APC2: variants seen among roughly 807,000 people sequenced by gnomAD.
APC2 encodes APC regulator of Wnt signaling pathway 2.
APC2 carries 41 observed loss-of-function variants against 72.5 expected under a neutral mutation model. That is an observed-to-expected ratio of 0.57 (90% CI 0.44 to 0.73). The LOEUF is 0.73. APC2 is among the 30% of genes least tolerant of loss of function. The probability of loss-of-function intolerance (pLI) is 0.00; values close to 1 mark genes in which losing one functional copy is unlikely to be tolerated. For synonymous variants in APC2, 1,898 were observed against 1,612.0 expected (o/e 1.18, Z -4.25); for missense variants, 3,729 against 3,403.4 (o/e 1.10, Z -2.38).
In APC2 at chr19:1,469,286, A is replaced by G. The variant is rs2145258733; in HGVS notation, c.5985A>G (p.Leu1995=). The G allele has an allele frequency of 1.4e-6, 2 of 1,421,804 alleles. No homozygotes were observed. The highest frequency in any genetic ancestry group is 3.4e-5 in the East Asian group (1 of 29,320). 88.1% of individuals were successfully genotyped at this position (1,421,804 alleles called of 1,614,324 possible). ...ACCGCTCGGGCTTCCGGCGACAGCT[A>G]ACCTTCATCAAGGAGTCGCCGGGCT... is the stretch of plus-strand genomic sequence containing the variant. The part of the protein sequence containing the change: ...SSDRSGFRRQ[L]TFIKESPGLR... The change falls in exon 15 of 15, where the codon CTA becomes CTG. Residue 1995 remains leucine, a synonymous_variant. Coordinates refer to ENST00000590469, the MANE Select transcript of APC2 (RefSeq NM_005883.3).
intron 14 of APC2, among the ~76,000 whole-genome samples, chr19:1,464,632 C>CTTTTT (rs1010096440): frequency 1.6e-5 from 2 of 123,712 alleles, no homozygotes; most frequent in African/African-American, 6.7e-5. Context: ...CTGTTTTTTC[C>CTTTTT]TTTTTTTTTT....
At position 1,466,242 on chromosome 19, in the gene APC2, C is replaced by A; in HGVS notation, c.2941C>A (p.Arg981Ser). The stretch of plus-strand genomic sequence containing the variant: ...CGGCTGCCAGGCCGAGCCCCCGGCC[C>A]GCGAGGCCACCTCCGCCGACGCCCG... Reference protein sequence around the residue: ...LPGCQAEPPAREATSADARVR... With the variant: ...LPGCQAEPPASEATSADARVR... The change falls in exon 15 of 15, where the codon CGC becomes AGC. Residue 981 changes from arginine to serine, a missense_variant. Coordinates refer to ENST00000590469, the MANE Select transcript of APC2 (RefSeq NM_005883.3). The A allele has an allele frequency of 1.3e-6, 2 of 1,535,702 alleles. No homozygotes were observed. The highest frequency in any genetic ancestry group is 2.4e-5 in the East Asian group (1 of 41,506).
Position 1,468,898 on chromosome 19 carries a change from C to A in APC2, c.5597C>A (p.Ala1866Asp). Residue 1866 changes from alanine (A) to aspartate (D), a missense_variant, in exon 15 of 15, where the codon GCC becomes GAC. Coordinates refer to ENST00000590469, the MANE Select transcript of APC2 (RefSeq NM_005883.3). ...SQPPRSATPP[A>D]RLAKTPSSSS... ...CCCCCCAGAAGCGCCACACCGCCCG[C>A]CCGCCTCGCCAAGACCCCCTCCTCC... 6.6e-7 allele frequency: 1 copy of A among 1,522,390 alleles called. No individual in the cohort carries two copies. Among genetic ancestry groups the A allele is most frequent in the Non-Finnish European group, 8.8e-7 (1 of 1,141,984 alleles). The allele number at this position is 1,522,390 out of a possible 1,614,324, so 94.3% of individuals were successfully genotyped here. A position where few individuals can be genotyped will look rare whatever the true frequency, so the allele number is the denominator to read the frequency against.
chr19:1,448,805 C>G (rs1337835309), upstream of APC2, among the ~76,000 whole-genome samples: 1 of 148,884 alleles, frequency 6.7e-6, no homozygotes, highest in Non-Finnish European at 1.5e-5. Context: ...GAACGTGCCA[C>G]TGCACTCCAG....
At chr19:1,450,803 G>T (rs1447983534) in intron 1 of APC2, among the ~76,000 whole-genome samples, 6 of 151,944 alleles carry the variant, frequency 3.9e-5, no homozygotes, top group African/African-American at 1.5e-4. Flanking sequence ...GCCCCCAGGA[G>T]GCTACACGAT....
In APC2 at chr19:1,455,445, G is replaced by C. The variant is rs1343976602; in HGVS notation, c.584G>C (p.Arg195Pro). The change falls in exon 6 of 15, where the codon CGC (arginine) becomes CCC (proline). Residue 195 changes from arginine (R) to proline (P), a missense_variant. Transcript: ENST00000590469. ...CTTGAGTTCGAGGCCCAGCACATCC[G>C]CTCGCTGATGGAGGAGCGCTTCGGC... is the stretch of plus-strand genomic sequence containing the variant. ...QQLEFEAQHI[R>P]SLMEERFGTS... 1 of 1,606,802 alleles carries C rather than the reference G, an allele frequency of 6.2e-7. No homozygotes were observed. Among genetic ancestry groups the C allele is most frequent in the South Asian group, 1.1e-5 (1 of 89,902 alleles).
Position 1,469,466 on chromosome 19 carries a change from C to T in APC2, c.6165C>T (p.Ala2055=). 8.9e-7 allele frequency: 1 copy of T among 1,127,800 alleles called. No individual in the cohort carries two copies. The highest frequency in any genetic ancestry group is 3.5e-5 in the South Asian group (1 of 28,310). 69.9% of individuals were successfully genotyped at this position (1,127,800 alleles called of 1,614,324 possible). A position where few individuals can be genotyped will look rare whatever the true frequency, so the allele number is the denominator to read the frequency against. The change falls in exon 15 of 15, where the codon GCC becomes GCT. Residue 2055 remains alanine (A), a synonymous_variant. Coordinates refer to ENST00000590469, the MANE Select transcript of APC2 (RefSeq NM_005883.3). ...GAGCGGCACCCCGGCAGGGCCCGGC[C>T]CCGGCCCGGCAGCGGCCCCCCGCGG... The part of the protein sequence containing the change: ...ELRAAPRQGP[A]PARQRPPAAR...
In APC2 at chr19:1,466,008, C is replaced by T; in HGVS notation, c.2707C>T (p.Arg903Ter). ...ATGCCGCGGCCCGGAGGGCGGGCGG[C>T]GAGAGGCAGGAAGCCGGGCGCACCC... is the stretch of plus-strand genomic sequence containing the variant. The part of the protein sequence containing the change: ...SPCRGPEGGR[R>*]EAGSRAHPLL... The change falls in exon 15 of 15, where the codon CGA becomes TGA. Residue 903 changes from arginine (R) to a stop codon, truncating the protein, a stop_gained. Transcript: ENST00000590469. LOFTEE classifies it low-confidence loss of function (END_TRUNC). 1 of 1,499,250 alleles carries T rather than the reference C, an allele frequency of 6.7e-7. No homozygotes were observed. The highest frequency in any genetic ancestry group is 8.8e-7 in the Non-Finnish European group (1 of 1,133,872). 92.9% of individuals were successfully genotyped at this position (1,499,250 alleles called of 1,614,324 possible). A position where few individuals can be genotyped will look rare whatever the true frequency, so the allele number is the denominator to read the frequency against.
Position 1,468,157 on chromosome 19 carries a change from C to A in APC2, c.4856C>A (p.Ser1619Ter). The A allele has an allele frequency of 6.8e-7, 1 of 1,462,190 alleles. No individual in the cohort carries two copies. Among genetic ancestry groups the A allele is most frequent in the South Asian group, 1.3e-5 (1 of 74,546 alleles). 90.6% of individuals were successfully genotyped at this position (1,462,190 alleles called of 1,614,324 possible). Residue 1619 changes from serine (S) to a stop codon, truncating the protein, a stop_gained, in exon 15 of 15, where the codon TCG becomes TAG. Coordinates refer to ENST00000590469, the MANE Select transcript of APC2 (RefSeq NM_005883.3). LOFTEE classifies it low-confidence loss of function (END_TRUNC). ...DPGPGGGRDS[S>*]PSPRAAEELL... Reference sequence around the variant, plus strand: ...GGCCCAGGAGGCGGACGCGACAGCTCGCCCAGCCCGCGGGCCGCGGAGGAG... The same window carrying A: ...GGCCCAGGAGGCGGACGCGACAGCTAGCCCAGCCCGCGGGCCGCGGAGGAG...
In APC2 at chr19:1,460,340, G is replaced by C; in HGVS notation, c.1443+20G>C. On this transcript the variant is annotated intron_variant, in intron 11 of 14. Transcript: ENST00000590469. ...AACAAGGTGCCCGGGGGCAGTGGGT[G>C]GGCTGGCACTTTCCTCATCCAGTCT... The C allele has an allele frequency of 1.2e-6, 2 of 1,612,986 alleles. No individual in the cohort carries two copies. Among genetic ancestry groups the C allele is most frequent in the Non-Finnish European group, 1.7e-6 (2 of 1,179,860 alleles).
At chr19:1,450,960 G>A (rs1311729014) in intron 1 of APC2, among the ~76,000 whole-genome samples, 1 of 152,214 alleles carries the variant, frequency 6.6e-6, no homozygotes, top group African/African-American at 2.4e-5. Context: ...TAAGTGAGTC[G>A]CGGTGTACAT....
chr19:1,456,059 C>T lies in APC2; in HGVS notation c.640-17C>T, dbSNP rs1243126084. 5.2e-6 allele frequency: 8 copies of T among 1,548,816 alleles called. No homozygotes were observed. Among genetic ancestry groups the T allele is most frequent in the East Asian group, 4.8e-5 (2 of 41,794 alleles). On this transcript the variant is annotated splice_polypyrimidine_tract_variant and intron_variant, in intron 6 of 14. Transcript: ENST00000590469. ...CGGGGTCAGCTCCAGCACTTGCCCTCGTGTGGTCCTGAGCAGATCCGCGCC... is the reference window on the plus strand; with the variant it reads ...CGGGGTCAGCTCCAGCACTTGCCCTTGTGTGGTCCTGAGCAGATCCGCGCC...
rs1043203291 is a variant in APC2, at chr19:1,469,482, C to A, written c.6181C>A (p.Pro2061Thr). The stretch of plus-strand genomic sequence containing the variant: ...GGGCCCGGCCCCGGCCCGGCAGCGG[C>A]CCCCCGCGGCCCGACCCAGCCCTGG... The part of the protein sequence containing the change: ...RQGPAPARQR[P>T]PAARPSPGER... The change falls in exon 15 of 15, where the codon CCC becomes ACC. Residue 2061 changes from proline (P) to threonine (T), a missense_variant. By Grantham distance (38) the Pro-to-Thr change is conservative (BLOSUM62 -1). Transcript: ENST00000590469. 4.5e-6 allele frequency: 5 copies of A among 1,101,682 alleles called. No individual in the cohort carries two copies. The highest frequency in any genetic ancestry group is 5.5e-6 in the Non-Finnish European group (5 of 908,984). 68.2% of individuals were successfully genotyped at this position (1,101,682 alleles called of 1,614,324 possible).
Position 1,469,945 on chromosome 19 carries a change from C to G in APC2, c.6644C>G (p.Pro2215Arg), listed in dbSNP as rs2145264278. The change falls in exon 15 of 15, where the codon CCC (proline) becomes CGC (arginine). Residue 2215 changes from proline (P) to arginine (R), a missense_variant. Transcript: ENST00000590469. ...CCGAGCCTGGAGACCAGGGAGCCCC[C>G]CGGGGCCCCCGCCGGCGGCCAGCTC... ...TSPSLETREP[P>R]GAPAGGQLSL... 1 of 1,512,372 alleles carries G rather than the reference C, an allele frequency of 6.6e-7. No individual in the cohort carries two copies. Among genetic ancestry groups the G allele is most frequent in the South Asian group, 1.2e-5 (1 of 81,654 alleles). The allele number at this position is 1,512,372 out of a possible 1,614,324, so 93.7% of individuals were successfully genotyped here.
Position 1,468,271 on chromosome 19 carries a change from T to A in APC2, c.4970T>A (p.Leu1657Gln). Residue 1657 changes from leucine to glutamine, a missense_variant, in exon 15 of 15, where the codon CTG (leucine) becomes CAG (glutamine). Physicochemically the swap from Leu to Gln is moderately radical, Grantham distance 113. Coordinates refer to ENST00000590469, the MANE Select transcript of APC2 (RefSeq NM_005883.3). ...CGCCGCAAGCCCCGAGCCACCCGGC[T>A]GGATGAGCGGCCCGCAGAGGGGTCC... ...LRRRKPRATRLDERPAEGSRE... is the reference protein window; with the variant it reads ...LRRRKPRATRQDERPAEGSRE... The A allele has an allele frequency of 6.5e-7, 1 of 1,530,710 alleles. No individual in the cohort carries two copies. The highest frequency in any genetic ancestry group is 8.8e-7 in the Non-Finnish European group (1 of 1,140,758). The allele number at this position is 1,530,710 out of a possible 1,614,324, so 94.8% of individuals were successfully genotyped here.
In APC2 at chr19:1,469,504, C is replaced by T. The variant is rs772233073; in HGVS notation, c.6203C>T (p.Pro2068Leu). ...CGGCCCCCCGCGGCCCGACCCAGCC[C>T]TGGCGAGCGCCCTGCCCGGCGCACC... ...RQRPPAARPS[P>L]GERPARRTTS... Residue 2068 changes from proline (P) to leucine (L), a missense_variant, in exon 15 of 15, where the codon CCT becomes CTT. Coordinates refer to ENST00000590469, the MANE Select transcript of APC2 (RefSeq NM_005883.3). The T allele has an allele frequency of 1.8e-6, 2 of 1,133,136 alleles. No homozygotes were observed. Among genetic ancestry groups the T allele is most frequent in the African/African-American group, 1.7e-5 (1 of 59,506 alleles). The allele number at this position is 1,133,136 out of a possible 1,614,324, so 70.2% of individuals were successfully genotyped here. A position where few individuals can be genotyped will look rare whatever the true frequency, so the allele number is the denominator to read the frequency against.
At position 1,468,176 on chromosome 19, in the gene APC2, G is replaced by A. The variant is rs1040606307; in HGVS notation, c.4875G>A (p.Ala1625=). 4.1e-6 allele frequency: 6 copies of A among 1,453,018 alleles called. No homozygotes were observed. The highest frequency in any genetic ancestry group is 4.5e-6 in the Non-Finnish European group (5 of 1,112,006). 90.0% of individuals were successfully genotyped at this position (1,453,018 alleles called of 1,614,324 possible). Residue 1625 remains alanine, a synonymous_variant, in exon 15 of 15, where the codon GCG becomes GCA. Transcript: ENST00000590469. Reference sequence around the variant, plus strand: ...ACAGCTCGCCCAGCCCGCGGGCCGCGGAGGAGCTTCTGCAGCGGTGCATCA... The same window carrying A: ...ACAGCTCGCCCAGCCCGCGGGCCGCAGAGGAGCTTCTGCAGCGGTGCATCA... The part of the protein sequence containing the change: ...GRDSSPSPRA[A]EELLQRCISS...
chr19:1,465,210 C>T lies in APC2; in HGVS notation c.1909C>T (p.His637Tyr), dbSNP rs777297898. ...LQTLLQHLTS[H>Y]SLTIVSNACG... ...GACGCTGCTGCAGCATCTGACTTCGCACAGCCTGACCATCGTGAGCAACGC... is the reference window on the plus strand; with the variant it reads ...GACGCTGCTGCAGCATCTGACTTCGTACAGCCTGACCATCGTGAGCAACGC... The change falls in exon 15 of 15, where the codon CAC (histidine) becomes TAC (tyrosine). Residue 637 changes from histidine to tyrosine, a missense_variant. Coordinates refer to ENST00000590469, the MANE Select transcript of APC2 (RefSeq NM_005883.3). 1.9e-6 allele frequency: 3 copies of T among 1,609,954 alleles called. No homozygotes were observed. Among genetic ancestry groups the T allele is most frequent in the Non-Finnish European group, 2.5e-6 (3 of 1,179,044 alleles).
rs764254076 is a variant in APC2, at chr19:1,460,298, C to T, written c.1421C>T (p.Thr474Ile). 3 of 1,613,388 alleles carry T rather than the reference C, an allele frequency of 1.9e-6. No homozygotes were observed. The highest frequency in any genetic ancestry group is 2.5e-6 in the Non-Finnish European group (3 of 1,180,026). ...RYAGMTLTNL[T>I]FGDVANKATL... ...GCGGGCATGACCCTCACCAACCTCA[C>T]CTTTGGGGACGTTGCCAACAAGGTG... The change falls in exon 11 of 15, where the codon ACC (threonine) becomes ATC (isoleucine). Residue 474 changes from threonine (T) to isoleucine (I), a missense_variant. Coordinates refer to ENST00000590469, the MANE Select transcript of APC2 (RefSeq NM_005883.3).
Sources: allele counts gnomAD v4.1 joint callset (sites outside exome capture counted in the v4.1 genomes callset), GRCh38; gene constraint gnomAD v4.1.1; transcripts MANE v1.5; gene names NCBI Gene and HGNC (gene_info 2026-07-23, HGNC 2026-07-21).